PDGFRA: variants seen among roughly 807,000 people sequenced by gnomAD.
The protein encoded by PDGFRA is platelet derived growth factor receptor alpha.
Under a neutral mutation model 121.5 loss-of-function variants are expected in PDGFRA, and 25 were observed. The observed-to-expected ratio is 0.21, with a 90% CI of 0.15 to 0.29. The LOEUF is 0.29. Ranked by LOEUF, PDGFRA falls within the 10% of genes least tolerant of loss-of-function variation. The pLI, the probability that PDGFRA is intolerant of heterozygous loss-of-function variation, is 1.00. For missense variants in PDGFRA, 1,008 were observed against 1,345.1 expected (o/e 0.75, Z 3.92); for synonymous variants, 463 against 494.8 (o/e 0.94, Z 0.85).
intron 5 of PDGFRA, 61 bp downstream of exon 5, chr4:54,265,110 A>G (rs1003362848): frequency 6.5e-7 from 1 of 1,548,032 alleles, no homozygotes; most frequent in Non-Finnish European, 8.9e-7. Flanking sequence ...GAAGACCTGC[A>G]TTTGAGCTCG....
chr4:54,287,574 G>A (rs1319196432), intron 19 of PDGFRA, 33 bp downstream of exon 19: 1 of 852,230 alleles, frequency 1.2e-6, no homozygotes, highest in Non-Finnish European at 2.1e-6. Flanking sequence ...TATTTGGGCT[G>A]TTCTGAAACA....
chr4:54,260,299 G>A (rs1722615087), intron 2 of PDGFRA, among the ~76,000 whole-genome samples: 1 of 151,920 alleles, frequency 6.6e-6, no homozygotes, highest in Non-Finnish European at 1.5e-5. Flanking sequence ...CGGCATGCCC[G>A]AGGGCTATAA....
rs1370965730 is a variant in PDGFRA, at chr4:54,264,923, A to G, written c.633A>G (p.Thr211=). 1 of 1,613,070 alleles carries G rather than the reference A, an allele frequency of 6.2e-7. No homozygotes were observed. Among genetic ancestry groups the G allele is most frequent in the East Asian group, 2.2e-5 (1 of 44,868 alleles). ...TGTATTTGTTCTTTTTTATAGCAAC[A>G]TCAGAGCTGGATCTAGAAATGGAAG... The part of the protein sequence containing the change: ...IPFNVYALKA[T]SELDLEMEAL... The change falls in exon 5 of 23, where the codon ACA becomes ACG. Residue 211 remains threonine (T), a synonymous_variant. Transcript: ENST00000257290.
At chr4:54,286,547 G>A (rs193299645) in intron 18 of PDGFRA, among the ~76,000 whole-genome samples, 3 of 151,874 alleles carry the variant, frequency 2.0e-5, no homozygotes, top group Non-Finnish European at 4.4e-5. Context: ...AGTAGAGACA[G>A]GGTTTCACCA....
At chr4:54,294,222 G>T (rs1724768818) in intron 22 of PDGFRA, among the ~76,000 whole-genome samples, 1 of 151,864 alleles carries the variant, frequency 6.6e-6, no homozygotes, top group African/African-American at 2.4e-5. Context: ...AGTTTTGGGG[G>T]TCTGCGATGG....
rs778814149 is a variant in PDGFRA, at chr4:54,270,863, G to C, written c.1237+115G>C. The stretch of plus-strand genomic sequence containing the variant: ...AAAAGCAGCACTTAGGGGAGAAGCA[G>C]TGTCTGCATATGTCACATATCGGGA... On this transcript the variant is annotated intron_variant, in intron 8 of 22. Coordinates refer to ENST00000257290, the MANE Select transcript of PDGFRA (RefSeq NM_006206.6). 26 of 712,792 alleles carry C rather than the reference G, an allele frequency of 3.6e-5. No homozygotes were observed. In the East Asian group the frequency reaches 6.7e-4, roughly 18 times the overall value. The allele number at this position is 712,792 out of a possible 1,614,324, so 44.2% of individuals were successfully genotyped here. A position where few individuals can be genotyped will look rare whatever the true frequency, so the allele number is the denominator to read the frequency against.
intron 21 of PDGFRA, 51 bp downstream of exon 21, chr4:54,289,165 C>T (rs572842118): frequency 2.9e-6 from 3 of 1,035,606 alleles, no homozygotes; most frequent in East Asian, 4.7e-5. Flanking sequence ...GGAAGTTATA[C>T]CAGTGAGCTG....
chr4:54,294,641 G>T (rs1466377999), intron 22 of PDGFRA, among the ~76,000 whole-genome samples: 4 of 151,924 alleles, frequency 2.6e-5, no homozygotes, highest in Admixed American at 1.3e-4. Context: ...GGGGGTTGGT[G>T]GGGGGGCATT....
At chr4:54,293,110 A>G (rs1724711822) in intron 22 of PDGFRA, among the ~76,000 whole-genome samples, 1 of 152,184 alleles carries the variant, frequency 6.6e-6, no homozygotes, top group African/African-American at 2.4e-5. Flanking sequence ...CTTGGTTGCT[A>G]TGTCTCTGTA....
intron 1 of PDGFRA, among the ~76,000 whole-genome samples, chr4:54,240,614 C>T (rs933446478): frequency 4.6e-5 from 7 of 152,202 alleles, no homozygotes; most frequent in Admixed American, 1.3e-4. Context: ...TAATGCTTTG[C>T]TCCAGGAGGT....
At chr4:54,277,749 C>T in intron 13 of PDGFRA, 147 bp from the exon 14 acceptor site, 1 of 712,232 alleles carries the variant, frequency 1.4e-6, no homozygotes, top group South Asian at 1.5e-5. Flanking sequence ...GTTATTAGCA[C>T]TGAGGCCAAG....
intron 1 of PDGFRA, among the ~76,000 whole-genome samples, chr4:54,239,764 C>A (rs1039470512): frequency 9.9e-5 from 15 of 152,146 alleles, no homozygotes; most frequent in Non-Finnish European, 5.9e-5. Flanking sequence ...GCCTGGCTGG[C>A]CACATCTTTT....
chr4:54,263,803 A>T lies in PDGFRA; in HGVS notation c.504A>T (p.Val168=), dbSNP rs1722884586. ...PVTLHNSEGV[V]PASYDSRQGF... is the part of the protein sequence containing the mutation. ...CCTTACACAACAGTGAGGGGGTGGT[A>T]CCTGCCTCCTACGACAGCAGACAGG... The change falls in exon 4 of 23, where the codon GTA becomes GTT. Residue 168 remains valine (V), a synonymous_variant. Transcript: ENST00000257290. The T allele has an allele frequency of 1.2e-6, 2 of 1,614,078 alleles. No homozygotes were observed. The highest frequency in any genetic ancestry group is 1.7e-6 in the Non-Finnish European group (2 of 1,180,004).
intron 3 of PDGFRA, among the ~76,000 whole-genome samples, chr4:54,262,014 C>G (rs1167451476): frequency 3.4e-5 from 5 of 148,070 alleles, no homozygotes; most frequent in African/African-American, 1.2e-4. Flanking sequence ...TTACTGCAAT[C>G]TCAACTCCCT....
At chr4:54,277,085 C>A in intron 12 of PDGFRA, 1 of 435,456 alleles carries the variant, frequency 2.3e-6, no homozygotes. Context: ...AAGAGGATCC[C>A]AGGGGCTGGC....
intron 22 of PDGFRA, among the ~76,000 whole-genome samples, chr4:54,291,180 C>T (rs896855219): frequency 3.9e-5 from 6 of 152,168 alleles, no homozygotes; most frequent in Non-Finnish European, 7.3e-5. Context: ...TGACTATGCC[C>T]TCTGCCAGCC....
rs900860957 is a variant in PDGFRA at position 54,285,398 on chromosome 4, A to G, written c.2351A>G (p.Asp784Gly). 10 of 1,523,718 alleles carry G rather than the reference A, an allele frequency of 6.6e-6. No homozygotes were observed. In the East Asian group the frequency reaches 1.3e-4, roughly 21 times the overall value. 94.4% of individuals were successfully genotyped at this position (1,523,718 alleles called of 1,614,324 possible). ...LDSEVKNLLS[D>G]DNSEGLTLLD... ...TCAGAAGTCAAAAACCTCCTTTCAGATGATAACTCAGAAGGCCTTACTTTA... is the reference window on the plus strand; with the variant it reads ...TCAGAAGTCAAAAACCTCCTTTCAGGTGATAACTCAGAAGGCCTTACTTTA... The change falls in exon 17 of 23, where the codon GAT becomes GGT. Residue 784 changes from aspartate (D) to glycine (G), a missense_variant. By Grantham distance (94) the Asp-to-Gly change is moderately conservative. Transcript: ENST00000257290.
At chr4:54,292,109 G>A (rs1431789528) in intron 22 of PDGFRA, among the ~76,000 whole-genome samples, 1 of 152,184 alleles carries the variant, frequency 6.6e-6, no homozygotes, top group Non-Finnish European at 1.5e-5. Flanking sequence ...AGACAGTGTG[G>A]CGATTCCCCA....
intron 2 of PDGFRA, among the ~76,000 whole-genome samples, chr4:54,260,397 GTTTTTTTTTTT>G (rs68009440): frequency 3.1e-5 from 2 of 64,602 alleles, no homozygotes; most frequent in East Asian, 4.1e-4. Context: ...TTCCATGTGG[GTTTTTTTTTTT>G]TTTTTTTTTT....
Sources: gnomAD v4.1 joint callset for allele counts (sites outside exome capture counted in the v4.1 genomes callset) on GRCh38, gnomAD v4.1.1 for gene constraint, MANE v1.5 for transcripts, NCBI Gene and HGNC (gene_info 2026-07-23, HGNC 2026-07-21) for gene names.